RSPH14: variants seen among roughly 807,000 people sequenced by gnomAD.
RSPH14 encodes the protein rhabdoid tumor deletion region gene 1.
RSPH14 carries 20 observed loss-of-function variants against 26.7 expected under a neutral mutation model. The ratio of observed to expected loss-of-function variants is 0.75; its 90% CI spans 0.53 to 1.09. RSPH14 has a LOEUF of 1.09. Ranked by LOEUF, RSPH14 falls within the 50% of genes least tolerant of loss-of-function variation. RSPH14 has a pLI of 0.00. For missense variants in RSPH14, 449 were observed against 457.2 expected, an observed-to-expected ratio of 0.98 and a Z score of 0.16; for synonymous variants, 177 against 189.3, an observed-to-expected ratio of 0.93 and a Z score of 0.53.
chr22:23,061,094 T>A (rs1230109739), intron 6 of RSPH14, among the ~76,000 whole-genome samples: 4 of 152,108 alleles, frequency 2.6e-5, no homozygotes, highest in Admixed American at 1.3e-4. Flanking sequence ...TAGGGTCAGG[T>A]GTGCAGGGCC....
chr22:23,147,040 G>A (rs573340752), upstream of RSPH14, among the ~76,000 whole-genome samples: 5 of 152,276 alleles, frequency 3.3e-5, no homozygotes, highest in Non-Finnish European at 5.9e-5. Context: ...CATATTGGGT[G>A]CCTGGCTCAT....
Position 23,071,726 on chromosome 22 carries a change from C to A in RSPH14, c.422-7593G>T, listed in dbSNP as rs531968338. On this transcript the variant is annotated intron_variant, in intron 4 of 6. Transcript: ENST00000216036. This position sits in a 1 kb window ranked among gnomAD's most constrained non-coding sequence, Gnocchi z 4.1. ...CAGGTGCAGGGGCCTCGGGAGGGAC[C>A]TCAGAGTGGTGTCCTGGGCTGGGGG... 9.2e-5 allele frequency among the ~76,000 whole-genome samples: 14 copies of A among 152,312 alleles called. No homozygotes were observed. Among genetic ancestry groups the A allele is most frequent in the African/African-American group, 3.1e-4 (13 of 41,562 alleles).
chr22:23,086,935 A>C lies in RSPH14; in HGVS notation c.422-22802T>G, dbSNP rs571550646. The stretch of plus-strand genomic sequence containing the variant: ...GGCCCTGGGAAACCCATGATGGGAC[A>C]CATGGCTGGGGCAGGACAGGGAGTG... On this transcript the variant is annotated intron_variant, in intron 4 of 6. Coordinates refer to ENST00000216036, the MANE Select transcript of RSPH14 (RefSeq NM_014433.3). 1.8e-3 allele frequency among the ~76,000 whole-genome samples: 270 copies of C among 152,358 alleles called. 1 individual carries two copies. The highest frequency in any genetic ancestry group is 4.9e-3 in the African/African-American group (202 of 41,594).
intron 4 of RSPH14, among the ~76,000 whole-genome samples, chr22:23,104,412 G>T (rs2069399109): frequency 6.6e-6 from 1 of 152,162 alleles, no homozygotes; most frequent in South Asian, 2.1e-4. Flanking sequence ...ATGATACCCT[G>T]TCTGAACTGT....
At chr22:23,180,111 C>T in the RSPH14 span, 1 of 264,680 alleles carries the variant, frequency 3.8e-6, no homozygotes, top group Non-Finnish European at 7.4e-6. Context: ...GAGAGAGCAG[C>T]TCTTGTCCCG....
chr22:23,180,290 G>C, the RSPH14 span: 4 of 187,540 alleles, frequency 2.1e-5, no homozygotes, highest in African/African-American at 9.4e-5. Context: ...TTTTTTACGG[G>C]GGACCCCTGG....
upstream of RSPH14, among the ~76,000 whole-genome samples, chr22:23,148,244 A>G (rs1310049775): frequency 6.6e-6 from 1 of 152,144 alleles, no homozygotes; most frequent in African/African-American, 2.4e-5. Context: ...ACAGTTCCCC[A>G]TGGGTTTTCC....
intron 4 of RSPH14, among the ~76,000 whole-genome samples, chr22:23,129,976 GAA>G (rs1480077709): frequency 6.8e-6 from 1 of 146,922 alleles, no homozygotes; most frequent in African/African-American, 2.5e-5. Context: ...GGAAGAAAGA[GAA>G]AGAGACAAAG....
chr22:23,062,165 G>A (rs1480414522), intron 5 of RSPH14, among the ~76,000 whole-genome samples: 1 of 152,242 alleles, frequency 6.6e-6, no homozygotes, highest in Non-Finnish European at 1.5e-5. Context: ...AGACCACGGG[G>A]TGACAGGGCC....
chr22:23,161,491 T>C, the RSPH14 span: 1 of 1,605,012 alleles, frequency 6.2e-7, no homozygotes, highest in Non-Finnish European at 8.5e-7. Flanking sequence ...ACTTCTCCCC[T>C]CCTTACAGAA....
Position 23,135,007 on chromosome 22 carries a change from C to T in RSPH14, c.303-863G>A, listed in dbSNP as rs796198586. On this transcript the variant is annotated intron_variant, in intron 3 of 6. Coordinates refer to ENST00000216036, the MANE Select transcript of RSPH14 (RefSeq NM_014433.3). ...GCAACATGGTGAGACCCAGTCCCTA[C>T]TAAAATGTTAAAAGTTAGCCAGGCA... is the stretch of plus-strand genomic sequence containing the variant. Among the ~76,000 whole-genome samples, 9 of 152,218 alleles carry T rather than the reference C, an allele frequency of 5.9e-5. No homozygotes were observed. The South Asian group carries it at 6.2e-4, about 11-fold the overall frequency.
chr22:23,100,270 T>C (rs2069258691), intron 4 of RSPH14, among the ~76,000 whole-genome samples: 1 of 152,230 alleles, frequency 6.6e-6, no homozygotes. Flanking sequence ...CTGCCCTGTC[T>C]TTCTAGAGCT....
At chr22:23,146,608 T>C (rs749243163), upstream of RSPH14, 1 of 1,613,924 alleles carries the variant, frequency 6.2e-7, no homozygotes, top group Admixed American at 1.7e-5. Flanking sequence ...TCCACAGGAC[T>C]GTGGAAGAAT....
intron 3 of RSPH14, among the ~76,000 whole-genome samples, chr22:23,137,336 G>A (rs2070499681): frequency 7.1e-6 from 1 of 140,728 alleles, no homozygotes; most frequent in African/African-American, 2.5e-5. Flanking sequence ...CAAGAGGGCA[G>A]GGAACAGGCT....
chr22:23,065,240 G>A (rs543100233), intron 4 of RSPH14, among the ~76,000 whole-genome samples: 1 of 152,266 alleles, frequency 6.6e-6, no homozygotes, highest in South Asian at 2.1e-4. Flanking sequence ...CCCACTCCCT[G>A]AGGACATCAA....
intron 3 of RSPH14, among the ~76,000 whole-genome samples, chr22:23,135,201 C>T (rs1282235243): frequency 4.0e-5 from 6 of 150,978 alleles, no homozygotes; most frequent in Non-Finnish European, 5.9e-5. Flanking sequence ...AGGCCAGGCG[C>T]GGTGGCTCAC....
intron 4 of RSPH14, among the ~76,000 whole-genome samples, chr22:23,080,227 T>C (rs1004900748): frequency 3.3e-5 from 5 of 152,224 alleles, no homozygotes; most frequent in African/African-American, 1.2e-4. Flanking sequence ...TCCTCCTGAG[T>C]CAGTGTTCCT....
chr22:23,139,315 T>A (rs1422124855), intron 2 of RSPH14, among the ~76,000 whole-genome samples: 2 of 152,216 alleles, frequency 1.3e-5, no homozygotes, highest in East Asian at 3.8e-4. Flanking sequence ...GGATGCCAGA[T>A]TTAGCAAATA....
chr22:23,135,139 C>T (rs527752833), intron 3 of RSPH14, among the ~76,000 whole-genome samples: 1 of 152,020 alleles, frequency 6.6e-6, no homozygotes, highest in Non-Finnish European at 1.5e-5. Flanking sequence ...CCACTAAACT[C>T]CAGCATGGAT....
Sources: allele counts gnomAD v4.1 joint callset (sites outside exome capture counted in the v4.1 genomes callset), GRCh38; gene constraint gnomAD v4.1.1; non-coding constraint Gnocchi (gnomAD v3.1); transcripts MANE v1.5; gene names NCBI Gene and HGNC (gene_info 2026-07-23, HGNC 2026-07-21).